The following EXOC5 variants were observed in gnomAD, a reference collection of about 807,000 sequenced individuals.
EXOC5 encodes exocyst complex component 5, also known as SEC10-like 1.
Under a neutral mutation model 90.8 loss-of-function variants are expected in EXOC5, and 17 were observed. The ratio of observed to expected loss-of-function variants is 0.19; its 90% CI spans 0.13 to 0.28. EXOC5 has a LOEUF of 0.28. Among genes scored for constraint, EXOC5 ranks in the 10% least tolerant of loss-of-function variants. The pLI, the probability that EXOC5 is intolerant of heterozygous loss-of-function variation, is 1.00. For synonymous variants in EXOC5, 260 were observed against 270.0 expected, an observed-to-expected ratio of 0.96 and a Z score of 0.36; for missense variants, 569 against 830.6, an observed-to-expected ratio of 0.69 and a Z score of 3.87.
chr14:57,264,724 C>G (rs1332294143), intron 1 of EXOC5, among the ~76,000 whole-genome samples: 3 of 152,184 alleles, frequency 2.0e-5, no homozygotes, highest in African/African-American at 7.2e-5. Context: ...AAACTCAAAT[C>G]TAATTTATCC....
chr14:57,254,176 T>C (rs1368238733), intron 1 of EXOC5, among the ~76,000 whole-genome samples: 1 of 152,156 alleles, frequency 6.6e-6, no homozygotes, highest in Non-Finnish European at 1.5e-5. Flanking sequence ...GGCTCACACC[T>C]GTAATCCCAG....
chr14:57,256,608 C>T (rs998843776), intron 1 of EXOC5, among the ~76,000 whole-genome samples: 1 of 152,152 alleles, frequency 6.6e-6, no homozygotes, highest in Non-Finnish European at 1.5e-5. Context: ...CTGTGGTGAA[C>T]ACAATAATGT....
chr14:57,246,154 C>T (rs1288980159), intron 3 of EXOC5, among the ~76,000 whole-genome samples: 1 of 152,078 alleles, frequency 6.6e-6, no homozygotes, highest in African/African-American at 2.4e-5. Flanking sequence ...AGAAGTTTGG[C>T]CTGCTGAGCC....
At chr14:57,231,333 G>C (rs1033701670) in intron 11 of EXOC5, among the ~76,000 whole-genome samples, 173 bp downstream of exon 11, 1 of 151,968 alleles carries the variant, frequency 6.6e-6, no homozygotes, top group African/African-American at 2.4e-5. Flanking sequence ...GTTATGTTAG[G>C]TCATTTCAAC....
chr14:57,262,287 C>T (rs899733217), intron 1 of EXOC5, among the ~76,000 whole-genome samples: 19 of 152,042 alleles, frequency 1.2e-4, no homozygotes, highest in African/African-American at 4.3e-4. Context: ...ACCATTATTT[C>T]CCCCATTTTA....
chr14:57,267,232 A>G (rs1290391824), intron 1 of EXOC5, among the ~76,000 whole-genome samples: 4 of 152,234 alleles, frequency 2.6e-5, no homozygotes, highest in Admixed American at 6.5e-5. Flanking sequence ...TTAATGTAGC[A>G]TATCTCCCAA....
At chr14:57,232,156 G>A (rs1883506462) in intron 10 of EXOC5, 1 of 155,066 alleles carries the variant, frequency 6.4e-6, no homozygotes, top group African/African-American at 2.4e-5. Flanking sequence ...CAGTGTTGTT[G>A]TTGAGATGGA....
In EXOC5 at chr14:57,252,241, C is replaced by T. The variant is rs976959766; in HGVS notation, c.28-4529G>A. On this transcript the variant is annotated intron_variant, in intron 1 of 17. Coordinates refer to ENST00000621441, the MANE Select transcript of EXOC5 (RefSeq NM_006544.4). ...ATTACCCTGATACACGAAAGCCATA[C>T]AAAGACTGTACAAGGAAACTACAGA... 1.1e-4 allele frequency among the ~76,000 whole-genome samples: 17 copies of T among 152,166 alleles called. 1 individual carries two copies. Among genetic ancestry groups the T allele is most frequent in the Non-Finnish European group, 2.2e-4 (15 of 68,012 alleles).
At chr14:57,210,930 T>A (rs1196708671) in intron 15 of EXOC5, among the ~76,000 whole-genome samples, 1 of 152,128 alleles carries the variant, frequency 6.6e-6, no homozygotes, top group Non-Finnish European at 1.5e-5. Context: ...CTATCCTATA[T>A]TTTATTTTTT....
At chr14:57,242,551 C>CA (rs1555329188) in intron 4 of EXOC5, among the ~76,000 whole-genome samples, 1 of 151,280 alleles carries the variant, frequency 6.6e-6, no homozygotes, top group Non-Finnish European at 1.5e-5. Flanking sequence ...GCCAAGATGC[C>CA]AAAAAAGAAC....
At position 57,268,617 on chromosome 14, in the gene EXOC5, C is replaced by A; in HGVS notation, c.27+5G>T. On this transcript the variant is annotated splice_donor_5th_base_variant and intron_variant, in intron 1 of 17. Transcript: ENST00000621441. ...GCCACTCCCTGTAGAGCCGCCGGGG[C>A]CCACCTCGAAGAGCTCGGCCGTGGT... The A allele has an allele frequency of 6.3e-7, 1 of 1,588,710 alleles. No individual in the cohort carries two copies. The highest frequency in any genetic ancestry group is 8.5e-7 in the Non-Finnish European group (1 of 1,173,022).
intron 12 of EXOC5, among the ~76,000 whole-genome samples, chr14:57,224,249 A>G (rs1267074208): frequency 6.6e-6 from 1 of 152,138 alleles, no homozygotes; most frequent in South Asian, 2.1e-4. Context: ...GATGAATACA[A>G]AACAGAAAAA....
At chr14:57,235,690 T>C (rs1324701468) in intron 7 of EXOC5, 21 bp downstream of exon 7, 1 of 1,246,430 alleles carries the variant, frequency 8.0e-7, no homozygotes, top group Admixed American at 2.0e-5. Flanking sequence ...ACACTATTCA[T>C]TTTTAATTCC....
Position 57,200,712 on chromosome 14 carries a change from C to T in EXOC5, c.*7897G>A, listed in dbSNP as rs577806028. The T allele has an allele frequency of 3.3e-5, 5 of 149,588 alleles. No homozygotes were observed. The East Asian group carries it at 1.0e-3, about 30-fold the overall frequency. The allele number at this position is 149,588 out of a possible 1,614,324, so 9.3% of individuals were successfully genotyped here. A position where few individuals can be genotyped will look rare whatever the true frequency, so the allele number is the denominator to read the frequency against. On this transcript the variant is annotated 3_prime_UTR_variant, in exon 18 of 18. Transcript: ENST00000621441. ...TAAGTTCTGTGTCTTGGGCATAACACTTTACCCCCTCCTCAATTCAGCTTT... is the reference window on the plus strand; with the variant it reads ...TAAGTTCTGTGTCTTGGGCATAACATTTTACCCCCTCCTCAATTCAGCTTT...
At position 57,219,318 on chromosome 14, in the gene EXOC5, TA is replaced by T; in HGVS notation, c.1526+3del. 6.8e-7 allele frequency: 1 copy of T among 1,467,812 alleles called. No homozygotes were observed. The highest frequency in any genetic ancestry group is 9.1e-7 in the Non-Finnish European group (1 of 1,099,106). 90.9% of individuals were successfully genotyped at this position (1,467,812 alleles called of 1,614,324 possible). A position where few individuals can be genotyped will look rare whatever the true frequency, so the allele number is the denominator to read the frequency against. On this transcript the variant is annotated splice_donor_region_variant and intron_variant, in intron 14 of 17. Transcript: ENST00000621441. ...ATCAATGAAAATCAGATAATTTGAC[TA>T]ACCTTATTAGTGGCATAAGGTGATC...
chr14:57,236,194 G>C (rs1883652961), intron 6 of EXOC5, among the ~76,000 whole-genome samples: 2 of 151,820 alleles, frequency 1.3e-5, no homozygotes, highest in African/African-American at 4.8e-5. Context: ...CTTTACTAGA[G>C]TTCTGATGCC....
chr14:57,240,245 T>C (rs1317925853), intron 4 of EXOC5, among the ~76,000 whole-genome samples: 1 of 151,644 alleles, frequency 6.6e-6, no homozygotes, highest in African/African-American at 2.4e-5. Flanking sequence ...AGTTTCACTC[T>C]TGTGGCCCAG....
At chr14:57,211,647 AG>A (rs779399026) in intron 15 of EXOC5, 1 of 152,208 alleles carries the variant, frequency 6.6e-6, no homozygotes, top group Non-Finnish European at 1.5e-5. Flanking sequence ...CCGAGGTGGG[AG>A]GATCACTTGA....
chr14:57,228,888 T>C (rs1339261371), intron 12 of EXOC5, among the ~76,000 whole-genome samples: 1 of 151,796 alleles, frequency 6.6e-6, no homozygotes, highest in Non-Finnish European at 1.5e-5. Context: ...CTGGAACATA[T>C]TATGTACTAT....
Sources: allele counts gnomAD v4.1 joint callset (sites outside exome capture counted in the v4.1 genomes callset), GRCh38; gene constraint gnomAD v4.1.1; transcripts MANE v1.5; gene names NCBI Gene and HGNC (gene_info 2026-07-23, HGNC 2026-07-21).